Variants in FRYL observed in about 807,000 individuals in gnomAD.
The protein encoded by FRYL is protein furry homolog-like.
A neutral mutation model predicts 351.2 loss-of-function variants in FRYL; 150 were observed. The observed-to-expected ratio is 0.43, with a 90% CI of 0.37 to 0.49. The LOEUF is 0.49. FRYL is among the 20% of genes least tolerant of loss of function. The pLI is 0.00. For missense variants in FRYL, 3,036 were observed against 3,619.3 expected, an observed-to-expected ratio of 0.84 and a Z score of 4.13; for synonymous variants, 1,153 against 1,257.1, an observed-to-expected ratio of 0.92 and a Z score of 1.75.
intron 7 of FRYL, among the ~76,000 whole-genome samples, chr4:48,610,898 C>T (rs1276241668): frequency 1.3e-5 from 2 of 150,420 alleles, no homozygotes; most frequent in Non-Finnish European, 1.5e-5. Flanking sequence ...ATTTGAGGAG[C>T]CCCCTATTAA....
chr4:48,581,348 G>T, intron 21 of FRYL, 72 bp downstream of exon 21: 2 of 1,367,198 alleles, frequency 1.5e-6, no homozygotes, highest in Admixed American at 2.0e-5. Flanking sequence ...TACCTACATG[G>T]GATAAGGATG....
intron 3 of FRYL, among the ~76,000 whole-genome samples, chr4:48,667,849 T>C (rs1036044429): frequency 6.6e-6 from 1 of 152,210 alleles, no homozygotes; most frequent in Non-Finnish European, 1.5e-5. Context: ...GATTTCACCA[T>C]GTTGGCCATG....
intron 59 of FRYL, among the ~76,000 whole-genome samples, chr4:48,507,706 A>ATAGATAGAT (rs1553913561): frequency 1.3e-5 from 2 of 151,492 alleles, no homozygotes; most frequent in Non-Finnish European, 1.5e-5. Flanking sequence ...GTTTTCAAAG[A>ATAGATAGAT]TAGATAGATG....
intron 3 of FRYL, among the ~76,000 whole-genome samples, chr4:48,643,223 CT>C (rs1294088543): frequency 6.6e-6 from 1 of 152,162 alleles, no homozygotes; most frequent in Non-Finnish European, 1.5e-5. Flanking sequence ...ATGTGTAGCC[CT>C]TTTCTCTGAC....
chr4:48,721,973 G>A (rs1162568922), intron 1 of FRYL, among the ~76,000 whole-genome samples: 2 of 152,148 alleles, frequency 1.3e-5, no homozygotes, highest in Admixed American at 1.3e-4. Context: ...CAGAAATGGG[G>A]AGGCTTTTTT....
chr4:48,671,892 G>A (rs1298414296), intron 3 of FRYL, among the ~76,000 whole-genome samples: 736 of 90,970 alleles, frequency 8.1e-3, no homozygotes, highest in Non-Finnish European at 0.012. Context: ...AAAAAAAAAA[G>A]AAGGAAAGAC....
intron 1 of FRYL, among the ~76,000 whole-genome samples, chr4:48,728,358 G>A (rs1371498533): frequency 1.3e-5 from 2 of 151,426 alleles, no homozygotes; most frequent in African/African-American, 2.4e-5. Flanking sequence ...AAAAAAAACA[G>A]AGGACGAAAC....
At chr4:48,597,892 A>G (rs1307749813) in intron 13 of FRYL, among the ~76,000 whole-genome samples, 3 of 152,214 alleles carry the variant, frequency 2.0e-5, no homozygotes, top group Non-Finnish European at 4.4e-5. Flanking sequence ...CAATGCTGCT[A>G]TATGTCTGAA....
intron 3 of FRYL, among the ~76,000 whole-genome samples, chr4:48,666,052 A>T (rs1396935082): frequency 2.0e-5 from 3 of 152,206 alleles, no homozygotes; most frequent in Non-Finnish European, 4.4e-5. Context: ...ACCAAATATA[A>T]GAGCAAAAAT....
Position 48,528,330 on chromosome 4 carries a change from T to C in FRYL, c.6910A>G (p.Ile2304Val), listed in dbSNP as rs776095538. The change falls in exon 51 of 64, where the codon ATT becomes GTT. Residue 2304 changes from isoleucine to valine, a missense_variant. Coordinates refer to ENST00000358350, the MANE Select transcript of FRYL (RefSeq NM_015030.2). Reference sequence around the variant, plus strand: ...TGATCACCATATTTGTTTCCAATAATTGGTGTCTACACAGAAACAAAATGT... The same window carrying C: ...TGATCACCATATTTGTTTCCAATAACTGGTGTCTACACAGAAACAAAATGT... ...DFHFDISETP[I>V]IGNKYGDQHS... 1 of 1,606,976 alleles carries C rather than the reference T, an allele frequency of 6.2e-7. No individual in the cohort carries two copies. The highest frequency in any genetic ancestry group is 1.7e-5 in the Admixed American group (1 of 59,236).
chr4:48,523,905 T>C (rs1193531220), intron 53 of FRYL, among the ~76,000 whole-genome samples: 2 of 152,180 alleles, frequency 1.3e-5, no homozygotes, highest in African/African-American at 4.8e-5. Flanking sequence ...CTACAAAATA[T>C]AATTTAAAAT....
chr4:48,662,765 G>GAAAAAAAAAAA (rs57746767), intron 3 of FRYL, among the ~76,000 whole-genome samples: 1 of 131,618 alleles, frequency 7.6e-6, no homozygotes, highest in Non-Finnish European at 1.6e-5. Context: ...ATCTCCTGAA[G>GAAAAAAAAAAA]AAAAAAAAAA....
intron 1 of FRYL, among the ~76,000 whole-genome samples, chr4:48,759,535 C>T (rs1422983570): frequency 1.3e-5 from 2 of 152,178 alleles, no homozygotes; most frequent in Non-Finnish European, 2.9e-5. Flanking sequence ...TTCAAGATGT[C>T]AGCAGCTAAG....
chr4:48,634,203 T>A lies in FRYL; in HGVS notation c.120+88A>T, dbSNP rs1041200058. 3.0e-5 allele frequency: 28 copies of A among 948,436 alleles called. 1 individual carries two copies. The highest frequency in any genetic ancestry group is 4.5e-5 in the Non-Finnish European group (27 of 601,570). The allele number at this position is 948,436 out of a possible 1,614,324, so 58.8% of individuals were successfully genotyped here. On this transcript the variant is annotated intron_variant, in intron 4 of 63. Coordinates refer to ENST00000358350, the MANE Select transcript of FRYL (RefSeq NM_015030.2). ...ACTATCCCTTAATATTTTTTTCAAG[T>A]ATATTATTTCCTTTGAAAAATCTGC...
intron 15 of FRYL, among the ~76,000 whole-genome samples, chr4:48,594,342 G>A (rs1744150537): frequency 6.6e-6 from 1 of 152,042 alleles, no homozygotes; most frequent in Non-Finnish European, 1.5e-5. Flanking sequence ...AGCAGGCCTA[G>A]ACAGCAGTGA....
chr4:48,593,118 T>C (rs1560676485), intron 16 of FRYL, among the ~76,000 whole-genome samples: 1 of 151,856 alleles, frequency 6.6e-6, no homozygotes, highest in Non-Finnish European at 1.5e-5. Context: ...TTAATGTTGA[T>C]TTTTTTTGGC....
intron 7 of FRYL, among the ~76,000 whole-genome samples, chr4:48,610,567 C>T (rs1242626682): frequency 2.0e-5 from 3 of 149,604 alleles, no homozygotes; most frequent in Non-Finnish European, 4.4e-5. Context: ...ATGTATATAT[C>T]ACAATTTGAT....
chr4:48,609,671 T>A, intron 8 of FRYL, 73 bp downstream of exon 8: 1 of 652,100 alleles, frequency 1.5e-6, no homozygotes, highest in Non-Finnish European at 2.6e-6. Context: ...AAACAAATGA[T>A]CAGTAAGACT....
rs1229605076 is a variant in FRYL, at chr4:48,594,032, A to T, written c.1249-16T>A. 11 of 1,282,868 alleles carry T rather than the reference A, an allele frequency of 8.6e-6. No individual in the cohort carries two copies. In the Admixed American group the frequency reaches 2.1e-4, roughly 24 times the overall value. The allele number at this position is 1,282,868 out of a possible 1,614,324, so 79.5% of individuals were successfully genotyped here. A position where few individuals can be genotyped will look rare whatever the true frequency, so the allele number is the denominator to read the frequency against. ...CCAAGCGTTCCTTAAAAAAAAAAAA[A>T]TCCTTATAACTTGCTACTATGTGTT... On this transcript the variant is annotated splice_polypyrimidine_tract_variant and intron_variant, in intron 15 of 63. Transcript: ENST00000358350.
Sources: gnomAD v4.1 joint callset for allele counts (sites outside exome capture counted in the v4.1 genomes callset) on GRCh38, gnomAD v4.1.1 for gene constraint, MANE v1.5 for transcripts, NCBI Gene and HGNC (gene_info 2026-07-23, HGNC 2026-07-21) for gene names.